The following AGPS variants were observed in gnomAD, a reference collection of about 807,000 sequenced individuals.
AGPS encodes the protein alkylglycerone phosphate synthase.
Under a neutral mutation model 90.7 loss-of-function variants are expected in AGPS, and 26 were observed. That is an observed-to-expected ratio of 0.29 (90% CI 0.21 to 0.40). The LOEUF is 0.40. Among genes scored for constraint, AGPS ranks in the 10% least tolerant of loss-of-function variants. The pLI is 1.00. For synonymous variants in AGPS, 294 were observed against 285.3 expected, an observed-to-expected ratio of 1.03 and a Z score of -0.31; for missense variants, 540 against 816.1, an observed-to-expected ratio of 0.66 and a Z score of 4.12.
intron 11 of AGPS, among the ~76,000 whole-genome samples, chr2:177,489,926 T>C (rs1458551995): frequency 6.6e-6 from 1 of 152,202 alleles, no homozygotes; most frequent in Non-Finnish European, 1.5e-5. Flanking sequence ...AGGACCTTTT[T>C]CCCTCCTTTA....
intron 1 of AGPS, 126 bp downstream of exon 1, chr2:177,393,175 G>A: frequency 1.3e-6 from 2 of 1,546,098 alleles, no homozygotes; most frequent in South Asian, 1.2e-5. Context: ...GTCCCTGAAA[G>A]TAGGGACCCA....
intron 17 of AGPS, among the ~76,000 whole-genome samples, chr2:177,514,618 TAAACTGCTAATTGTATG>T (rs1688973378): frequency 6.6e-6 from 1 of 152,192 alleles, no homozygotes; most frequent in Admixed American, 6.5e-5. Context: ...CTGTATTCTT[TAAACTGCTAATTGTATG>T]TGTGTGTGTT....
chr2:177,468,767 T>C (rs1384294198), intron 10 of AGPS, among the ~76,000 whole-genome samples: 2 of 152,066 alleles, frequency 1.3e-5, no homozygotes, highest in Non-Finnish European at 2.9e-5. Context: ...TATTTTAGAA[T>C]TTTTAATGAA....
intron 19 of AGPS, among the ~76,000 whole-genome samples, chr2:177,534,652 A>G (rs949422830): frequency 6.7e-6 from 1 of 148,732 alleles, no homozygotes; most frequent in Non-Finnish European, 1.5e-5. Context: ...CAGTGGCATG[A>G]TCTGGACTCA....
intron 9 of AGPS, among the ~76,000 whole-genome samples, chr2:177,462,801 T>G (rs1006574263): frequency 6.6e-6 from 1 of 152,220 alleles, no homozygotes; most frequent in African/African-American, 2.4e-5. Context: ...TGCATAGGTT[T>G]TATATAAATA....
chr2:177,470,887 C>T (rs1158202295), intron 10 of AGPS, among the ~76,000 whole-genome samples: 2 of 151,974 alleles, frequency 1.3e-5, no homozygotes. Flanking sequence ...CTTATATTTC[C>T]ATGACTTTGT....
At position 177,436,971 on chromosome 2, in the gene AGPS, A is replaced by T. The variant is rs757518400; in HGVS notation, c.563-9A>T. On this transcript the variant is annotated splice_polypyrimidine_tract_variant and intron_variant, in intron 4 of 19. Transcript: ENST00000264167. ...TTTTGTGTTTTTCTTTTTTTTAACC[A>T]CAAAACAGGTCATTGTCTTCATGAG... 1 of 1,613,208 alleles carries T rather than the reference A, an allele frequency of 6.2e-7. No homozygotes were observed. Among genetic ancestry groups the T allele is most frequent in the Non-Finnish European group, 8.5e-7 (1 of 1,179,638 alleles).
At chr2:177,505,479 T>TG (rs1489720798) in intron 14 of AGPS, 27 bp from the exon 15 acceptor site, 1 of 1,597,376 alleles carries the variant, frequency 6.3e-7, no homozygotes, top group Non-Finnish European at 8.6e-7. Flanking sequence ...ATAAAAAATT[T>TG]ATTAACAGTT....
intron 1 of AGPS, among the ~76,000 whole-genome samples, chr2:177,418,889 G>A (rs372157899): frequency 6.3e-4 from 95 of 151,858 alleles, no homozygotes; most frequent in African/African-American, 2.1e-3. Context: ...CAAAAGCTCC[G>A]TTCCAAAATC....
Position 177,420,627 on chromosome 2 carries a change from C to CA in AGPS, c.350+273dup, listed in dbSNP as rs141001631. 0.023 allele frequency among the ~76,000 whole-genome samples: 3,413 copies of CA among 151,210 alleles called. 136 individuals carry two copies. Among genetic ancestry groups the CA allele is most frequent in the African/African-American group, 0.078 (3,224 of 41,300 alleles). On this transcript the variant is annotated intron_variant, in intron 2 of 19. Transcript: ENST00000264167. The stretch of plus-strand genomic sequence containing the variant: ...AACCAATTATATAATATTATATATC[C>CA]AAAATAGCAAAAAATTTTTATTTAG...
At chr2:177,497,530 T>C (rs1688444817) in intron 12 of AGPS, among the ~76,000 whole-genome samples, 159 bp from the exon 13 acceptor site, 1 of 151,804 alleles carries the variant, frequency 6.6e-6, no homozygotes, top group Admixed American at 6.6e-5. Context: ...TATAACTATA[T>C]ATCGTAATAT....
intron 19 of AGPS, among the ~76,000 whole-genome samples, chr2:177,526,287 C>A (rs1438182646): frequency 7.0e-6 from 1 of 143,492 alleles, no homozygotes; most frequent in Non-Finnish European, 1.5e-5. Flanking sequence ...TGGAGTGCAG[C>A]GGTGCGATCT....
At chr2:177,440,877 A>G in intron 5 of AGPS, 88 bp from the exon 6 acceptor site, 2 of 1,098,892 alleles carry the variant, frequency 1.8e-6, no homozygotes, top group South Asian at 1.3e-5. Flanking sequence ...AAAAGTTTAG[A>G]TAAAGAATTT....
intron 17 of AGPS, among the ~76,000 whole-genome samples, chr2:177,519,963 A>G (rs1209282122): frequency 1.3e-5 from 2 of 152,222 alleles, no homozygotes; most frequent in Non-Finnish European, 2.9e-5. Context: ...TGGATTATTC[A>G]TGCCTCCCCT....
chr2:177,402,497 G>A lies in AGPS; in HGVS notation c.260+9448G>A, dbSNP rs891436468. Among the ~76,000 whole-genome samples, 60 of 152,190 alleles carry A rather than the reference G, an allele frequency of 3.9e-4. 1 individual carries two copies. The highest frequency in any genetic ancestry group is 8.8e-5 in the Non-Finnish European group (6 of 68,006). On this transcript the variant is annotated intron_variant, in intron 1 of 19. Coordinates refer to ENST00000264167, the MANE Select transcript of AGPS (RefSeq NM_003659.4). ...TTTTTCAGCTTTTACACCTTTTATTGTGCCATTGTCTGGAAGACCTTTGCT... is the reference window on the plus strand; with the variant it reads ...TTTTTCAGCTTTTACACCTTTTATTATGCCATTGTCTGGAAGACCTTTGCT...
intron 10 of AGPS, among the ~76,000 whole-genome samples, chr2:177,475,000 C>T (rs1359977474): frequency 6.6e-6 from 1 of 152,162 alleles, no homozygotes; most frequent in East Asian, 1.9e-4. Flanking sequence ...TTTATACTCA[C>T]CTTCTTTAAT....
At chr2:177,397,000 G>T (rs1244674254) in intron 1 of AGPS, among the ~76,000 whole-genome samples, 1 of 147,454 alleles carries the variant, frequency 6.8e-6, no homozygotes, top group African/African-American at 2.5e-5. Flanking sequence ...GTGAAGTGGC[G>T]CGATCTCAGC....
At chr2:177,511,409 T>C (rs1355863491) in intron 16 of AGPS, among the ~76,000 whole-genome samples, 1 of 151,984 alleles carries the variant, frequency 6.6e-6, no homozygotes, top group Non-Finnish European at 1.5e-5. Context: ...ATGTTACAGA[T>C]TTTGGAGACA....
Position 177,425,015 on chromosome 2 carries a change from GT to G in AGPS, c.350+4659del, listed in dbSNP as rs1686037931. On this transcript the variant is annotated intron_variant, in intron 2 of 19. Transcript: ENST00000264167. ...GCTCCGATTGCAAAAATTTTCTCCCGTTCTGTAGGTTGTCTGTTCACTCTGA... is the reference window on the plus strand; with the variant it reads ...GCTCCGATTGCAAAAATTTTCTCCCGTCTGTAGGTTGTCTGTTCACTCTGA... Among the ~76,000 whole-genome samples, 4 of 152,004 alleles carry G rather than the reference GT, an allele frequency of 2.6e-5. No individual in the cohort carries two copies. In the South Asian group the frequency reaches 8.3e-4, roughly 31 times the overall value.
Sources: allele counts gnomAD v4.1 joint callset (sites outside exome capture counted in the v4.1 genomes callset), GRCh38; gene constraint gnomAD v4.1.1; transcripts MANE v1.5; gene names NCBI Gene and HGNC (gene_info 2026-07-23, HGNC 2026-07-21).